The following SLC12A2 variants were observed in gnomAD, a reference collection of about 807,000 sequenced individuals.
SLC12A2 encodes the protein solute carrier family 12 member 2, also known as Na-K-2Cl cotransporter 1.
SLC12A2 carries 67 observed loss-of-function variants against 136.3 expected under a neutral mutation model. The observed-to-expected ratio is 0.49, with a 90% CI of 0.40 to 0.60. SLC12A2 has a LOEUF of 0.60. SLC12A2 is among the 20% of genes least tolerant of loss of function. The pLI, the probability that SLC12A2 is intolerant of heterozygous loss-of-function variation, is 0.00. For synonymous variants in SLC12A2, 619 were observed against 562.9 expected, an observed-to-expected ratio of 1.10 and a Z score of -1.41; for missense variants, 1,322 against 1,534.7, an observed-to-expected ratio of 0.86 and a Z score of 2.32.
chr5:128,118,536 A>ACC (rs1761438137), intron 4 of SLC12A2, among the ~76,000 whole-genome samples: 1 of 151,934 alleles, frequency 6.6e-6, no homozygotes, highest in Non-Finnish European at 1.5e-5. Context: ...GCAAAGGCAT[A>ACC]AGAATGATAT....
At chr5:128,143,461 T>A (rs1262342449) in intron 10 of SLC12A2, among the ~76,000 whole-genome samples, 4 of 152,140 alleles carry the variant, frequency 2.6e-5, no homozygotes, top group Non-Finnish European at 5.9e-5. Context: ...ACTTCTCCAG[T>A]ATTTGGAGGC....
chr5:128,179,582 T>G (rs1763635371), intron 22 of SLC12A2, among the ~76,000 whole-genome samples: 1 of 152,172 alleles, frequency 6.6e-6, no homozygotes, highest in African/African-American at 2.4e-5. Context: ...GAGCTTTTAC[T>G]TATGGCAGAA....
chr5:128,171,690 G>C lies in SLC12A2; in HGVS notation c.2747G>C (p.Gly916Ala). 1 of 1,586,320 alleles carries C rather than the reference G, an allele frequency of 6.3e-7. No individual in the cohort carries two copies. The highest frequency in any genetic ancestry group is 8.5e-7 in the Non-Finnish European group (1 of 1,170,924). ...AGTGATGCTTTTGACATACAATATGGAGTAGTGGTTATTCGCCTAAAAGAA... is the reference window on the plus strand; with the variant it reads ...AGTGATGCTTTTGACATACAATATGCAGTAGTGGTTATTCGCCTAAAAGAA... ...LFHDAFDIQY[G>A]VVVIRLKEGL... The change falls in exon 19 of 27, where the codon GGA (glycine) becomes GCA (alanine). Residue 916 changes from glycine (G) to alanine (A), a missense_variant. Transcript: ENST00000262461.
intron 1 of SLC12A2, among the ~76,000 whole-genome samples, chr5:128,091,971 G>C: frequency 6.6e-6 from 1 of 152,162 alleles, no homozygotes; most frequent in Non-Finnish European, 1.5e-5. Flanking sequence ...CATCAGTTTA[G>C]TTTCAAACAG....
At chr5:128,110,872 GAATAT>G in intron 1 of SLC12A2, 1 of 1,335,852 alleles carries the variant, frequency 7.5e-7, no homozygotes, top group East Asian at 2.3e-5. Context: ...ACTTTTCCAG[GAATAT>G]GCCAATTTAC....
rs1161371663 is a variant in SLC12A2 at position 128,084,828 on chromosome 5, G to C, written c.756+118G>C. On this transcript the variant is annotated intron_variant, in intron 1 of 26. Coordinates refer to ENST00000262461, the MANE Select transcript of SLC12A2 (RefSeq NM_001046.3). The surrounding 1 kb of genome is among the most constrained non-coding windows in gnomAD (Gnocchi z 5.6). Reference sequence around the variant, plus strand: ...GAGTAGTAGACGTGCACGACTTGCTGGCATCTCTGGATTCAGCTGTCAAGG... The same window carrying C: ...GAGTAGTAGACGTGCACGACTTGCTCGCATCTCTGGATTCAGCTGTCAAGG... 5 of 1,133,000 alleles carry C rather than the reference G, an allele frequency of 4.4e-6. No individual in the cohort carries two copies. The African/African-American group carries it at 7.8e-5, about 18-fold the overall frequency. 70.2% of individuals were successfully genotyped at this position (1,133,000 alleles called of 1,614,324 possible). A position where few individuals can be genotyped will look rare whatever the true frequency, so the allele number is the denominator to read the frequency against.
intron 1 of SLC12A2, chr5:128,109,571 A>T: frequency 1.4e-6 from 1 of 711,432 alleles, no homozygotes; most frequent in Non-Finnish European, 2.6e-6. Context: ...GAGTCCGGAG[A>T]AGAGCAAAAT....
intron 1 of SLC12A2, among the ~76,000 whole-genome samples, chr5:128,096,914 A>G (rs1454295270): frequency 6.6e-6 from 1 of 152,086 alleles, no homozygotes; most frequent in East Asian, 1.9e-4. Flanking sequence ...CTCTCAGAAA[A>G]TAGCAGTCTG....
intron 12 of SLC12A2, among the ~76,000 whole-genome samples, chr5:128,149,659 TG>T (rs1348820184): frequency 1.3e-5 from 2 of 151,854 alleles, no homozygotes; most frequent in Non-Finnish European, 3.0e-5. Context: ...ATGATACATA[TG>T]GTATGCTATT....
intron 18 of SLC12A2, chr5:128,168,931 CT>C (rs1418882460): frequency 6.6e-6 from 1 of 152,112 alleles, no homozygotes; most frequent in African/African-American, 2.4e-5. Context: ...TTATTCTTTG[CT>C]ACTTTGTCTT....
intron 4 of SLC12A2, among the ~76,000 whole-genome samples, chr5:128,124,004 A>T (rs1362642047): frequency 6.6e-6 from 1 of 152,218 alleles, no homozygotes. Flanking sequence ...ATATCCAGTT[A>T]TTCCAGCACC....
intron 24 of SLC12A2, among the ~76,000 whole-genome samples, chr5:128,183,479 G>A (rs989747639): frequency 2.6e-5 from 4 of 151,828 alleles, no homozygotes; most frequent in East Asian, 3.9e-4. Flanking sequence ...AAATAGTAAG[G>A]TACAATTTGT....
intron 9 of SLC12A2, among the ~76,000 whole-genome samples, chr5:128,141,032 T>A (rs1228112428): frequency 1.3e-5 from 2 of 152,160 alleles, no homozygotes; most frequent in African/African-American, 2.4e-5. Flanking sequence ...AAAGTAAAAA[T>A]CTTTAAAGTA....
intron 12 of SLC12A2, among the ~76,000 whole-genome samples, chr5:128,149,750 C>T (rs558250047): frequency 1.3e-5 from 2 of 151,844 alleles, no homozygotes; most frequent in East Asian, 3.9e-4. Context: ...TATAATATGA[C>T]TGGACAGAAT....
chr5:128,152,868 T>G (rs1762748428), intron 15 of SLC12A2, 63 bp downstream of exon 15: 1 of 968,216 alleles, frequency 1.0e-6, no homozygotes, highest in Non-Finnish European at 1.7e-6. Flanking sequence ...GTTCTTATTT[T>G]TCATTGACAT....
rs1761706179 is a variant in SLC12A2 at position 128,124,484 on chromosome 5, G to A, written c.1049-6583G>A. Among the ~76,000 whole-genome samples, 4 of 152,158 alleles carry A rather than the reference G, an allele frequency of 2.6e-5. No individual in the cohort carries two copies. In the South Asian group the frequency reaches 8.3e-4, roughly 32 times the overall value. On this transcript the variant is annotated intron_variant, in intron 4 of 26. Coordinates refer to ENST00000262461, the MANE Select transcript of SLC12A2 (RefSeq NM_001046.3). Reference sequence around the variant, plus strand: ...CTCAGGTTTGATAATTTGCTAAAATGGCTCCTAGAACTTAAGAAAACAGCT... The same window carrying A: ...CTCAGGTTTGATAATTTGCTAAAATAGCTCCTAGAACTTAAGAAAACAGCT...
intron 10 of SLC12A2, among the ~76,000 whole-genome samples, chr5:128,143,897 A>T (rs1471840773): frequency 2.1e-5 from 3 of 142,326 alleles, no homozygotes; most frequent in Admixed American, 7.3e-5. Flanking sequence ...ATTATAAATA[A>T]AATTATTTAT....
intron 19 of SLC12A2, among the ~76,000 whole-genome samples, chr5:128,172,214 TAAA>T (rs1763399067): frequency 6.6e-6 from 1 of 152,172 alleles, no homozygotes; most frequent in Non-Finnish European, 1.5e-5. Flanking sequence ...TTTTTTAATT[TAAA>T]AATATTTATA....
chr5:128,112,974 TGTTG>T (rs1761210185), intron 2 of SLC12A2, 41 bp downstream of exon 2: 2 of 1,501,528 alleles, frequency 1.3e-6, no homozygotes, highest in African/African-American at 2.8e-5. Context: ...ACAGCATATC[TGTTG>T]GTTATAAAAT....
Sources: gnomAD v4.1 joint callset for allele counts (sites outside exome capture counted in the v4.1 genomes callset) on GRCh38, gnomAD v4.1.1 for gene constraint, Gnocchi (gnomAD v3.1) non-coding constraint, MANE v1.5 for transcripts, NCBI Gene and HGNC (gene_info 2026-07-23, HGNC 2026-07-21) for gene names.